Variants in COL18A1 observed in about 807,000 individuals in gnomAD.
The protein encoded by COL18A1 is collagen alpha-1(XVIII) chain.
Under a neutral mutation model 168.0 loss-of-function variants are expected in COL18A1, and 133 were observed. The observed-to-expected ratio is 0.79, with a 90% confidence interval of 0.69 to 0.91. The LOEUF is 0.91. Among genes scored for constraint, COL18A1 ranks in the 40% least tolerant of loss-of-function variants. The probability of loss-of-function intolerance (pLI) is 0.00; values close to 1 mark genes in which losing one functional copy is unlikely to be tolerated. For synonymous variants in COL18A1, 949 were observed against 809.0 expected, an observed-to-expected ratio of 1.17 and a Z score of -2.94; for missense variants, 2,126 against 1,925.4, an observed-to-expected ratio of 1.10 and a Z score of -1.95.
chr21:45,489,361 C>G, intron 18 of COL18A1, 125 bp from the exon 19 acceptor site: 1 of 791,922 alleles, frequency 1.3e-6, no homozygotes, highest in East Asian at 2.7e-5. Flanking sequence ...CCCCTCGGCT[C>G]TGGGCTGGGG....
chr21:45,511,991 G>T (rs986024348), intron 41 of COL18A1, among the ~76,000 whole-genome samples, 197 bp from the exon 42 acceptor site: 5 of 152,184 alleles, frequency 3.3e-5, no homozygotes, highest in Non-Finnish European at 1.5e-5. Flanking sequence ...GCAGCATGGG[G>T]GGCAGTCTGG....
chr21:45,438,712 C>T (rs1232986629), intron 2 of COL18A1, among the ~76,000 whole-genome samples: 1 of 152,246 alleles, frequency 6.6e-6, no homozygotes, highest in Non-Finnish European at 1.5e-5. Flanking sequence ...CAGGACGCCT[C>T]TGCAGGGTGC....
chr21:45,504,474 G>GA lies in COL18A1; in HGVS notation c.2786_2787insA (p.Gly930ArgfsTer157). 1.2e-6 allele frequency: 2 copies of GA among 1,607,744 alleles called. No individual in the cohort carries two copies. Among genetic ancestry groups the GA allele is most frequent in the Non-Finnish European group, 1.7e-6 (2 of 1,177,910 alleles). On this transcript the variant is annotated frameshift_variant, in exon 34 of 42. Coordinates refer to ENST00000651438, the MANE Select transcript of COL18A1 (RefSeq NM_001379500.1). LOFTEE classifies it high-confidence loss of function. ...AAAGGCGAAAGGGGGGAGCCCGGGG[G>GA]CGGCGGTTTCTTCGGCTCCAGCCTG...
intron 11 of COL18A1, 133 bp downstream of exon 11, chr21:45,480,289 G>T (rs1012686112): frequency 2.4e-6 from 3 of 1,234,546 alleles, no homozygotes; most frequent in African/African-American, 3.0e-5. Context: ...GGGGTCACAG[G>T]TGTGGTGGGA....
chr21:45,485,968 C>A (rs148257945), intron 15 of COL18A1, among the ~76,000 whole-genome samples: 1 of 152,202 alleles, frequency 6.6e-6, no homozygotes, highest in Non-Finnish European at 1.5e-5. Flanking sequence ...CCACGGAAAC[C>A]GAGGCTCAGG....
rs78071668 is a variant in COL18A1 at position 45,457,941 on chromosome 21, T to G, written c.107-10301T>G. Among the ~76,000 whole-genome samples, 10 of 152,080 alleles carry G rather than the reference T, an allele frequency of 6.6e-5. No homozygotes were observed. Among genetic ancestry groups the G allele is most frequent in the Admixed American group, 3.9e-4 (6 of 15,298 alleles). On this transcript the variant is annotated intron_variant, in intron 2 of 41. Coordinates refer to ENST00000651438, the MANE Select transcript of COL18A1 (RefSeq NM_001379500.1). This position sits in a 1 kb window ranked among gnomAD's most constrained non-coding sequence, Gnocchi z 4.6. Reference sequence around the variant, plus strand: ...GGATGACGAGCTTGGTGATTCCCCTTGAGTTTCAGGCCAGTGACCGTTTCT... The same window carrying G: ...GGATGACGAGCTTGGTGATTCCCCTGGAGTTTCAGGCCAGTGACCGTTTCT...
intron 2 of COL18A1, among the ~76,000 whole-genome samples, chr21:45,445,329 A>G (rs1449028341): frequency 6.6e-6 from 1 of 152,182 alleles, no homozygotes; most frequent in Admixed American, 6.5e-5. Context: ...CACCAGGTGG[A>G]GGCACCATGC....
chr21:45,493,386 G>T, intron 25 of COL18A1, 115 bp from the exon 26 acceptor site: 1 of 1,292,772 alleles, frequency 7.7e-7, no homozygotes, highest in Non-Finnish European at 1.1e-6. Flanking sequence ...GTCACCTCCC[G>T]TGAAAGGACC....
At position 45,443,551 on chromosome 21, in the gene COL18A1, G is replaced by A. The variant is rs1024038002; in HGVS notation, c.107-24691G>A. On this transcript the variant is annotated intron_variant, in intron 2 of 41. Transcript: ENST00000651438. This position sits in a 1 kb window ranked among gnomAD's most constrained non-coding sequence, Gnocchi z 5.2. Reference sequence around the variant, plus strand: ...CTCCCTCCTTGCACTGTGGTCTCTCGGGACCTAGGAGGTCCCGGGGTGTGG... The same window carrying A: ...CTCCCTCCTTGCACTGTGGTCTCTCAGGACCTAGGAGGTCCCGGGGTGTGG... Among the ~76,000 whole-genome samples, 3 of 152,048 alleles carry A rather than the reference G, an allele frequency of 2.0e-5. No individual in the cohort carries two copies. The highest frequency in any genetic ancestry group is 4.8e-5 in the African/African-American group (2 of 41,410).
intron 2 of COL18A1, among the ~76,000 whole-genome samples, chr21:45,447,327 A>G (rs979624529): frequency 6.6e-6 from 1 of 152,086 alleles, no homozygotes; most frequent in Non-Finnish European, 1.5e-5. Context: ...CCACAAAAAA[A>G]CTATTAGAAC....
rs765866228 is a variant in COL18A1 at position 45,477,470 on chromosome 21, G to C, written c.988G>C (p.Gly330Arg). 14 of 1,611,172 alleles carry C rather than the reference G, an allele frequency of 8.7e-6. No individual in the cohort carries two copies. In the African/African-American group the frequency reaches 1.3e-4, roughly 15 times the overall value. The change falls in exon 7 of 42, where the codon GGG becomes CGG. Residue 330 changes from glycine to arginine, a missense_variant. Gly to Arg is a moderately radical substitution (Grantham distance 125). Coordinates refer to ENST00000651438, the MANE Select transcript of COL18A1 (RefSeq NM_001379500.1). Reference protein sequence around the residue: ...STWDGSVRTPGGRVKEGGLKG... With the variant: ...STWDGSVRTPRGRVKEGGLKG... ...GTGGGACGGGAGTGTCCGGACCCCTGGGGGCCGCGTGAAAGAGGTAAGGCC... is the reference window on the plus strand; with the variant it reads ...GTGGGACGGGAGTGTCCGGACCCCTCGGGGCCGCGTGAAAGAGGTAAGGCC...
intron 2 of COL18A1, chr21:45,421,236 G>A (rs920732580): frequency 2.8e-6 from 1 of 363,468 alleles, no homozygotes; most frequent in Non-Finnish European, 5.5e-6. Context: ...ATAGGTGCTT[G>A]CTTTGAGCCC....
rs879191830 is a variant in COL18A1, at chr21:45,490,500, C to T, written c.2031+154C>T. On this transcript the variant is annotated intron_variant, in intron 20 of 41. Coordinates refer to ENST00000651438, the MANE Select transcript of COL18A1 (RefSeq NM_001379500.1). ...TGGGCCTCCGTGTGCCCTCCCGGGT[C>T]TCTGGGCCTCCGTGTGCCCACTCCC... Among the ~76,000 whole-genome samples the T allele has an allele frequency of 0.025, 2,613 of 105,690 alleles. 115 individuals are homozygous for T. Among genetic ancestry groups the T allele is most frequent in the African/African-American group, 0.068 (2,133 of 31,440 alleles). The allele number at this position is 105,690 out of a possible 152,430, so 69.3% of individuals were successfully genotyped here.
rs918407893 is a variant in COL18A1, at chr21:45,478,148, C to T, written c.1222-179C>T. The T allele has an allele frequency of 8.3e-6, 7 of 843,546 alleles. No individual in the cohort carries two copies. The African/African-American group carries it at 1.2e-4, about 14-fold the overall frequency. The allele number at this position is 843,546 out of a possible 1,614,324, so 52.3% of individuals were successfully genotyped here. A position where few individuals can be genotyped will look rare whatever the true frequency, so the allele number is the denominator to read the frequency against. The stretch of plus-strand genomic sequence containing the variant: ...AGGTGGTCAGACGTGGGAGGCGGAG[C>T]TGCTCAGACACAGCCCTTGTGGGTG... On this transcript the variant is annotated intron_variant, in intron 8 of 41. Transcript: ENST00000651438.
chr21:45,510,984 A>ATC lies in COL18A1; in HGVS notation c.3694-127_3694-126insTC. 290 of 50,996 alleles carry ATC rather than the reference A, an allele frequency of 5.7e-3. 79 individuals carry two copies. Among genetic ancestry groups the ATC allele is most frequent in the South Asian group, 8.5e-3 (86 of 10,140 alleles). 3.2% of individuals were successfully genotyped at this position (50,996 alleles called of 1,614,324 possible). On this transcript the variant is annotated intron_variant, in intron 40 of 41. Transcript: ENST00000651438. ...ACATACACCCCCAAACACCCCCCAC[A>ATC]CCCCACACACACAACACACCCCCCC...
intron 2 of COL18A1, among the ~76,000 whole-genome samples, chr21:45,445,753 G>A (rs1423807384): frequency 6.6e-6 from 1 of 152,032 alleles, no homozygotes; most frequent in East Asian, 1.9e-4. Flanking sequence ...TTTCTTCTTT[G>A]GAGAAATGTC....
At chr21:45,429,849 C>T (rs1389620722) in intron 2 of COL18A1, among the ~76,000 whole-genome samples, 2 of 152,208 alleles carry the variant, frequency 1.3e-5, no homozygotes, top group Admixed American at 6.5e-5. Context: ...CAGAACGGCT[C>T]CTGTCTCTAC....
chr21:45,415,470 G>A (rs2033413820), intron 2 of COL18A1, among the ~76,000 whole-genome samples: 2 of 152,148 alleles, frequency 1.3e-5, no homozygotes, highest in African/African-American at 4.8e-5. Flanking sequence ...AGGACCGGCT[G>A]CCACGGGTGG....
At chr21:45,485,473 G>A (rs1041230047) in intron 15 of COL18A1, among the ~76,000 whole-genome samples, 2 of 151,254 alleles carry the variant, frequency 1.3e-5, no homozygotes, top group Non-Finnish European at 2.9e-5. Flanking sequence ...TCTAGCCTGG[G>A]CAACAGAGCG....
Sources: allele counts gnomAD v4.1 joint callset (sites outside exome capture counted in the v4.1 genomes callset), GRCh38; gene constraint gnomAD v4.1.1; non-coding constraint Gnocchi (gnomAD v3.1); transcripts MANE v1.5; gene names NCBI Gene and HGNC (gene_info 2026-07-23, HGNC 2026-07-21).